UBE3A: variants seen among roughly 807,000 people sequenced by gnomAD.
UBE3A encodes ubiquitin protein ligase E3A.
In UBE3A, 6 loss-of-function variants were observed where a neutral mutation model predicts 83.4. The ratio of observed to expected loss-of-function variants is 0.07; its 90% confidence interval spans 0.04 to 0.14. The LOEUF (loss-of-function observed/expected upper bound fraction) is 0.14, where lower values mean the gene tolerates loss of function less well. UBE3A is among the 10% of genes least tolerant of loss of function. The pLI, the probability that UBE3A is intolerant of heterozygous loss-of-function variation, is 1.00. For synonymous variants in UBE3A, 337 were observed against 355.4 expected, an observed-to-expected ratio of 0.95 and a Z score of 0.58; for missense variants, 456 against 1,036.1, an observed-to-expected ratio of 0.44 and a Z score of 7.69.
chr15:25,361,126 CT>C (rs10713541), intron 6 of UBE3A, among the ~76,000 whole-genome samples: 96,375 of 115,276 alleles, frequency 0.84, 40,311 homozygotes, highest in East Asian at 0.96. Flanking sequence ...TGTCCTTACT[CT>C]TTTTTTTTTT....
At chr15:25,362,102 G>A (rs1187529823) in intron 6 of UBE3A, among the ~76,000 whole-genome samples, 1 of 152,136 alleles carries the variant, frequency 6.6e-6, no homozygotes. Context: ...CTACTGTTTT[G>A]TGAAACTTTT....
chr15:25,424,029 A>G (rs1306511206), intron 1 of UBE3A, among the ~76,000 whole-genome samples: 1 of 152,134 alleles, frequency 6.6e-6, no homozygotes, highest in Non-Finnish European at 1.5e-5. Context: ...TTTTCAGTCT[A>G]TGATTAACAC....
chr15:25,393,313 G>A (rs1396548582), intron 4 of UBE3A, among the ~76,000 whole-genome samples: 1 of 152,160 alleles, frequency 6.6e-6, no homozygotes, highest in Non-Finnish European at 1.5e-5. Context: ...GCTACAAGCT[G>A]AGATGTTAGT....
At position 25,371,646 on chromosome 15, in the gene UBE3A, T is replaced by C; in HGVS notation, c.528A>G (p.Lys176=). 1 of 1,614,136 alleles carries C rather than the reference T, an allele frequency of 6.2e-7. No homozygotes were observed. The change falls in exon 6 of 13, where the codon AAA becomes AAG. Residue 176 remains lysine, a synonymous_variant. Coordinates refer to ENST00000648336, the MANE Select transcript of UBE3A (RefSeq NM_130839.5). The surrounding 1 kb of genome is among the most constrained non-coding windows in gnomAD (Gnocchi z 5.3). ...TGTCTTCATCTTTTGCTTGAAGAGA[T>C]TTCAGTTCTTCCTTGGTGTGTTGTT... ...KVKQHTKEEL[K]SLQAKDEDKD... is the part of the protein sequence containing the mutation.
intron 6 of UBE3A, among the ~76,000 whole-genome samples, chr15:25,365,006 AACAG>A (rs2078849925): frequency 1.3e-5 from 2 of 152,172 alleles, no homozygotes; most frequent in Non-Finnish European, 1.5e-5. Flanking sequence ...GGAGACTAGC[AACAG>A]ACAGAGATTA....
intron 1 of UBE3A, chr15:25,418,603 G>C (rs1042998455): frequency 2.0e-5 from 3 of 152,098 alleles, no homozygotes; most frequent in African/African-American, 4.8e-5. Context: ...GGGGTGGTGT[G>C]GGGGGAAGGA....
At chr15:25,416,365 C>T (rs1416583179) in intron 1 of UBE3A, among the ~76,000 whole-genome samples, 1 of 152,088 alleles carries the variant, frequency 6.6e-6, no homozygotes, top group East Asian at 1.9e-4. Flanking sequence ...ATTACTACAA[C>T]CAACAATGTG....
At chr15:25,394,934 A>G (rs1485166607) in intron 4 of UBE3A, among the ~76,000 whole-genome samples, 3 of 152,198 alleles carry the variant, frequency 2.0e-5, no homozygotes, top group Non-Finnish European at 4.4e-5. Context: ...AGAAATCAAT[A>G]TGCAAGAAGT....
chr15:25,384,397 G>T (rs941880793), intron 4 of UBE3A, among the ~76,000 whole-genome samples: 2 of 151,084 alleles, frequency 1.3e-5, no homozygotes, highest in African/African-American at 4.9e-5. Flanking sequence ...GGGAGGCAGA[G>T]GTGCAGTGAG....
chr15:25,341,401 T>TA (rs201568420), intron 11 of UBE3A, among the ~76,000 whole-genome samples: 18 of 149,462 alleles, frequency 1.2e-4, no homozygotes, highest in South Asian at 8.5e-4. Flanking sequence ...ATTAAAAAAT[T>TA]AAAAAAAAAA....
At chr15:25,437,779 T>G (rs929023912) in intron 1 of UBE3A, among the ~76,000 whole-genome samples, 6 of 152,148 alleles carry the variant, frequency 3.9e-5, no homozygotes, top group African/African-American at 1.4e-4. Context: ...GTACATTCAA[T>G]TCTACCTTTA....
chr15:25,382,252 C>T (rs886677982), intron 4 of UBE3A, among the ~76,000 whole-genome samples: 2 of 151,454 alleles, frequency 1.3e-5, no homozygotes, highest in Non-Finnish European at 2.9e-5. Flanking sequence ...ACCCGGGAGG[C>T]GGAGCTTGCA....
intron 5 of UBE3A, chr15:25,375,174 G>A: frequency 2.8e-6 from 1 of 362,300 alleles, no homozygotes; most frequent in Non-Finnish European, 5.1e-6. Flanking sequence ...AGATGTTGTG[G>A]CCTAGTTTTG....
chr15:25,354,260 T>C (rs888239770), intron 11 of UBE3A, 93 bp downstream of exon 11: 2 of 1,104,824 alleles, frequency 1.8e-6, no homozygotes, highest in Non-Finnish European at 2.8e-6. Context: ...AGTTTGCTTA[T>C]TTGGGAATTA....
intron 1 of UBE3A, among the ~76,000 whole-genome samples, chr15:25,430,150 TAC>T (rs1435254779): frequency 5.0e-5 from 2 of 40,146 alleles, no homozygotes; most frequent in South Asian, 7.2e-4. Flanking sequence ...ATATATATAA[TAC>T]ATATATATAA....
intron 5 of UBE3A, among the ~76,000 whole-genome samples, chr15:25,372,593 C>A (rs977358488): frequency 6.6e-6 from 1 of 152,194 alleles, no homozygotes; most frequent in Admixed American, 6.5e-5. Context: ...GACCACATTT[C>A]CCAACTTTTT....
At position 25,360,362 on chromosome 15, in the gene UBE3A, TC is replaced by T. The variant is rs1161685208; in HGVS notation, c.1753+20del. On this transcript the variant is annotated intron_variant, in intron 7 of 12. Transcript: ENST00000648336. ...CTCAAAAGATGATACGACACCATAATCACATTACTAATGTATTTACCAATAT... is the reference window on the plus strand; with the variant it reads ...CTCAAAAGATGATACGACACCATAATACATTACTAATGTATTTACCAATAT... 8 of 1,613,314 alleles carry T rather than the reference TC, an allele frequency of 5.0e-6. No individual in the cohort carries two copies. In the East Asian group the frequency reaches 1.8e-4, roughly 36 times the overall value.
At chr15:25,351,856 T>C (rs530295455) in intron 11 of UBE3A, among the ~76,000 whole-genome samples, 2 of 152,302 alleles carry the variant, frequency 1.3e-5, no homozygotes, top group Admixed American at 6.5e-5. Context: ...GGATTGCACG[T>C]TTTTTTGATT....
intron 2 of UBE3A, among the ~76,000 whole-genome samples, chr15:25,410,721 T>C (rs1001666737): frequency 1.3e-5 from 2 of 152,110 alleles, no homozygotes; most frequent in African/African-American, 4.8e-5. Flanking sequence ...TATATAAAAA[T>C]AATTGCAGGG....
Sources: allele counts gnomAD v4.1 joint callset (sites outside exome capture counted in the v4.1 genomes callset), GRCh38; gene constraint gnomAD v4.1.1; non-coding constraint Gnocchi (gnomAD v3.1); transcripts MANE v1.5; gene names NCBI Gene and HGNC (gene_info 2026-07-23, HGNC 2026-07-21).